The following FBXO7 variants were observed in gnomAD, a reference collection of about 807,000 sequenced individuals.
FBXO7 encodes the protein F-box only protein 7.
Under a neutral mutation model 50.2 loss-of-function variants are expected in FBXO7, and 31 were observed. That is an observed-to-expected ratio of 0.62 (90% confidence interval 0.46 to 0.83). The LOEUF (loss-of-function observed/expected upper bound fraction) is 0.83. FBXO7 is among the 40% of genes least tolerant of loss of function. The pLI is 0.00. For synonymous variants in FBXO7, 256 were observed against 253.1 expected (o/e 1.01, Z -0.11); for missense variants, 667 against 646.6 (o/e 1.03, Z -0.34).
chr22:32,479,439 C>G (rs1385406453), intron 2 of FBXO7, among the ~76,000 whole-genome samples, 164 bp downstream of exon 2: 1 of 149,092 alleles, frequency 6.7e-6, no homozygotes, highest in Admixed American at 6.7e-5. Flanking sequence ...CACTCTGTCA[C>G]CAGGCTGGAG....
At chr22:32,482,348 C>T in intron 2 of FBXO7, among the ~76,000 whole-genome samples, 1 of 152,202 alleles carries the variant, frequency 6.6e-6, no homozygotes, top group East Asian at 1.9e-4. Flanking sequence ...ACCTCCGGCT[C>T]CCCTCCATTT....
chr22:32,498,662 T>G lies in FBXO7; in HGVS notation c.*132T>G. On this transcript the variant is annotated 3_prime_UTR_variant, in exon 9 of 9. Transcript: ENST00000266087. ...TGAGAGTTGCACTCCCAGAAACCTTTTAAGAGATACATTTATAGCCCTAGG... is the reference window on the plus strand; with the variant it reads ...TGAGAGTTGCACTCCCAGAAACCTTGTAAGAGATACATTTATAGCCCTAGG... The G allele has an allele frequency of 1.8e-6, 2 of 1,103,510 alleles. No individual in the cohort carries two copies. Among genetic ancestry groups the G allele is most frequent in the Non-Finnish European group, 2.6e-6 (2 of 758,130 alleles). The allele number at this position is 1,103,510 out of a possible 1,614,324, so 68.4% of individuals were successfully genotyped here.
Position 32,475,102 on chromosome 22 carries a change from C to G in FBXO7, c.100C>G (p.Leu34Val), listed in dbSNP as rs1481064018. The G allele has an allele frequency of 6.5e-7, 1 of 1,545,676 alleles. No homozygotes were observed. Among genetic ancestry groups the G allele is most frequent in the Admixed American group, 2.0e-5 (1 of 50,892 alleles). The change falls in exon 1 of 9, where the codon CTG becomes GTG. Residue 34 changes from leucine to valine, a missense_variant. Transcript: ENST00000266087. Reference sequence around the variant, plus strand: ...TTTGCGCTCGCACCTGAGGCAGTCCCTGCTGTGCACCTGGGGGTACAGGTA... The same window carrying G: ...TTTGCGCTCGCACCTGAGGCAGTCCGTGCTGTGCACCTGGGGGTACAGGTA... Reference protein sequence around the residue: ...GHLRSHLRQSLLCTWGYSSNT... With the variant: ...GHLRSHLRQSVLCTWGYSSNT...
rs2057532572 is a variant in FBXO7, at chr22:32,491,153, G to A, written c.939G>A (p.Val313=). 2 of 1,612,652 alleles carry A rather than the reference G, an allele frequency of 1.2e-6. No homozygotes were observed. The highest frequency in any genetic ancestry group is 1.7e-6 in the Non-Finnish European group (2 of 1,178,794). The change falls in exon 6 of 9, where the codon GTG becomes GTA. Residue 313 remains valine, a synonymous_variant. Coordinates refer to ENST00000266087, the MANE Select transcript of FBXO7 (RefSeq NM_012179.4). ...CTCGCCTCTTTAAAGACCAGCTGGT[G>A]TATCCTCTTCTGGCTTTTACCCGAC... ...KLSRLFKDQL[V]YPLLAFTRQA... is the part of the protein sequence containing the mutation.
chr22:32,497,214 G>A (rs896133803), intron 8 of FBXO7, among the ~76,000 whole-genome samples: 2 of 152,138 alleles, frequency 1.3e-5, no homozygotes, highest in African/African-American at 4.8e-5. Context: ...GCATAGATGA[G>A]TTCTTTAGTG....
At chr22:32,477,924 A>T (rs543456934) in intron 1 of FBXO7, 1 of 152,380 alleles carries the variant, frequency 6.6e-6, no homozygotes, top group Admixed American at 6.5e-5. Flanking sequence ...TAGACAGATC[A>T]TAGACAAGTA....
chr22:32,486,139 G>T (rs1276119451), intron 4 of FBXO7, among the ~76,000 whole-genome samples: 6 of 151,976 alleles, frequency 3.9e-5, no homozygotes, highest in African/African-American at 9.7e-5. Context: ...TGAAAGTTAG[G>T]TAGAAGCCCT....
intron 2 of FBXO7, among the ~76,000 whole-genome samples, chr22:32,481,097 A>C (rs1601505375): frequency 6.6e-6 from 1 of 152,282 alleles, no homozygotes; most frequent in South Asian, 2.1e-4. Context: ...CTGGCCTTAA[A>C]CATTTTTGAG....
Position 32,498,148 on chromosome 22 carries a change from A to C in FBXO7, c.1187A>C (p.Tyr396Ser). The change falls in exon 9 of 9, where the codon TAC becomes TCC. Residue 396 changes from tyrosine (Y) to serine (S), a missense_variant. Tyr to Ser is a moderately radical substitution (Grantham distance 144). Coordinates refer to ENST00000266087, the MANE Select transcript of FBXO7 (RefSeq NM_012179.4). ...TTATTTTTCTTTTTTCTACAGCTGT[A>C]CAGGAAGAGGCACATACAAAGAAAA... is the stretch of plus-strand genomic sequence containing the variant. ...RVQDTDWKEL[Y>S]RKRHIQRKES... 6.2e-7 allele frequency: 1 copy of C among 1,614,130 alleles called. No individual in the cohort carries two copies. Among genetic ancestry groups the C allele is most frequent in the Non-Finnish European group, 8.5e-7 (1 of 1,179,988 alleles).
chr22:32,492,928 T>C, intron 6 of FBXO7, 177 bp from the exon 7 acceptor site: 1 of 672,182 alleles, frequency 1.5e-6, no homozygotes, highest in Admixed American at 2.3e-5. Context: ...ATAGTAATTA[T>C]AGTCAAGCTG....
chr22:32,498,234 T>C lies in FBXO7; in HGVS notation c.1273T>C (p.Tyr425His). The C allele has an allele frequency of 6.2e-7, 1 of 1,614,218 alleles. No individual in the cohort carries two copies. Residue 425 changes from tyrosine (Y) to histidine (H), a missense_variant, in exon 9 of 9, where the codon TAT (tyrosine) becomes CAT (histidine). By Grantham distance (83) the Tyr-to-His change is moderately conservative (BLOSUM62 2). Coordinates refer to ENST00000266087, the MANE Select transcript of FBXO7 (RefSeq NM_012179.4). ...ATCGTCAACTCACACCATTCCATTCTATCCCAACCCCTTGCACCCTAGGCC... is the reference window on the plus strand; with the variant it reads ...ATCGTCAACTCACACCATTCCATTCCATCCCAACCCCTTGCACCCTAGGCC... ...LPSSTHTIPF[Y>H]PNPLHPRPFP...
chr22:32,486,373 G>A (rs1448228435), intron 4 of FBXO7, among the ~76,000 whole-genome samples: 7 of 151,622 alleles, frequency 4.6e-5, no homozygotes, highest in East Asian at 3.9e-4. Flanking sequence ...TTGCTCTGTC[G>A]CCCAGGCTGG....
At chr22:32,479,554 G>A (rs781097227) in intron 2 of FBXO7, among the ~76,000 whole-genome samples, 2 of 151,694 alleles carry the variant, frequency 1.3e-5, no homozygotes, top group Non-Finnish European at 2.9e-5. Context: ...ACACCACCAC[G>A]CCCAGCTAAT....
chr22:32,487,798 C>T lies in FBXO7; in HGVS notation c.841C>T (p.Pro281Ser). The change falls in exon 5 of 9, where the codon CCA becomes TCA. Residue 281 changes from proline to serine, a missense_variant. By Grantham distance (74) the Pro-to-Ser change is moderately conservative. Transcript: ENST00000266087. ...IRSVKRLQLL[P>S]ESFICKEKLG... The stretch of plus-strand genomic sequence containing the variant: ...AAGTGTGAAAAGATTGCAGCTGCTA[C>T]CAGAATCTTTTATTTGCAAAGAGAA... 6.2e-7 allele frequency: 1 copy of T among 1,609,426 alleles called. No individual in the cohort carries two copies. Among genetic ancestry groups the T allele is most frequent in the Non-Finnish European group, 8.5e-7 (1 of 1,176,460 alleles).
chr22:32,482,295 C>T (rs1233032630), intron 2 of FBXO7, among the ~76,000 whole-genome samples: 1 of 152,172 alleles, frequency 6.6e-6, no homozygotes, highest in Non-Finnish European at 1.5e-5. Context: ...TTTCCATAAG[C>T]CCTAGGGCTT....
chr22:32,480,751 C>G (rs905650261), intron 2 of FBXO7, among the ~76,000 whole-genome samples: 2 of 151,888 alleles, frequency 1.3e-5, no homozygotes, highest in Non-Finnish European at 2.9e-5. Flanking sequence ...CTCACTGCAA[C>G]CCTACCCTTC....
intron 1 of FBXO7, chr22:32,477,988 T>C (rs1365677651): frequency 6.6e-6 from 1 of 152,234 alleles, no homozygotes; most frequent in East Asian, 1.9e-4. Context: ...GGAGTCTGAA[T>C]GAAAGGCATC....
rs1601503846 is a variant in FBXO7, at chr22:32,479,283, T to C, written c.417+8T>C. On this transcript the variant is annotated splice_region_variant and intron_variant, in intron 2 of 8. Transcript: ENST00000266087. ...TGGAATGACGACAGTATGGTGGGTA[T>C]TAAACACCAATATATCAAATAGAGT... 1 of 1,613,224 alleles carries C rather than the reference T, an allele frequency of 6.2e-7. No individual in the cohort carries two copies.
chr22:32,497,453 T>C (rs1171316669), intron 8 of FBXO7, among the ~76,000 whole-genome samples: 1 of 152,240 alleles, frequency 6.6e-6, no homozygotes, highest in East Asian at 1.9e-4. Context: ...TCCAAGTTGC[T>C]GCAAAAGACA....
Sources: allele counts gnomAD v4.1 joint callset (sites outside exome capture counted in the v4.1 genomes callset), GRCh38; gene constraint gnomAD v4.1.1; transcripts MANE v1.5; gene names NCBI Gene and HGNC (gene_info 2026-07-23, HGNC 2026-07-21).